The following AZI2 variants were observed in gnomAD, a reference collection of about 807,000 sequenced individuals.
The protein encoded by AZI2 is 5-azacytidine-induced protein 2.
A neutral mutation model predicts 45.8 loss-of-function variants in AZI2; 22 were observed. The ratio of observed to expected loss-of-function variants is 0.48; its 90% CI spans 0.34 to 0.69. AZI2 has a LOEUF of 0.69. AZI2 is among the 30% of genes least tolerant of loss of function. The pLI, the probability that AZI2 is intolerant of heterozygous loss-of-function variation, is 0.01. For missense variants in AZI2, 417 were observed against 441.5 expected, an observed-to-expected ratio of 0.94 and a Z score of 0.50; for synonymous variants, 137 against 156.7, an observed-to-expected ratio of 0.87 and a Z score of 0.94.
chr3:28,326,580 C>T (rs915441085), intron 7 of AZI2: 8 of 419,812 alleles, frequency 1.9e-5, no homozygotes, highest in Non-Finnish European at 2.6e-5. Flanking sequence ...ACATAAGCAA[C>T]ACTTGGCTGA....
chr3:28,336,912 G>C, intron 4 of AZI2, 27 bp from the exon 5 acceptor site: 9 of 1,606,944 alleles, frequency 5.6e-6, no homozygotes, highest in Non-Finnish European at 6.8e-6. Flanking sequence ...CACTGAAATT[G>C]TTATCTTTTC....
intron 5 of AZI2, among the ~76,000 whole-genome samples, chr3:28,335,982 C>G (rs945931613): frequency 3.9e-5 from 6 of 152,180 alleles, no homozygotes; most frequent in Middle Eastern, 6.8e-3. Context: ...TATTTAAAAT[C>G]TGCATTTGGT....
intron 1 of AZI2, among the ~76,000 whole-genome samples, chr3:28,344,657 G>A (rs750925825): frequency 5.3e-5 from 8 of 151,948 alleles, no homozygotes; most frequent in Non-Finnish European, 1.2e-4. Context: ...AGTGTAACTG[G>A]CTATTATTCT....
chr3:28,331,544 A>T, intron 6 of AZI2: 2 of 806,900 alleles, frequency 2.5e-6, no homozygotes, highest in Non-Finnish European at 3.1e-6. Context: ...CTGATCTAGA[A>T]GAGTGGCTGT....
Position 28,340,402 on chromosome 3 carries a change from CT to C in AZI2, c.215del (p.Lys72SerfsTer2). The C allele has an allele frequency of 6.4e-7, 1 of 1,554,592 alleles. No individual in the cohort carries two copies. Among genetic ancestry groups the C allele is most frequent in the South Asian group, 1.1e-5 (1 of 87,458 alleles). ...AATGAAGGTAAAAGATAAAAATTAC[CT>C]TTTCTTCCAAAAATCTTATTCTCTT... Reference protein sequence around the residue: ...LKKRIRFLEEKLIARFEEETS... With the variant: ...LKKRIRFLEEXLIARFEEETS... On this transcript the variant is annotated frameshift_variant and splice_region_variant, in exon 2 of 8. Coordinates refer to ENST00000479665, the MANE Select transcript of AZI2 (RefSeq NM_022461.5). LOFTEE classifies it high-confidence loss of function.
intron 6 of AZI2, among the ~76,000 whole-genome samples, chr3:28,329,767 G>A (rs1212116653): frequency 6.6e-6 from 1 of 151,070 alleles, no homozygotes; most frequent in Non-Finnish European, 1.5e-5. Context: ...TTTGACAACT[G>A]CGGTTCCCCC....
At chr3:28,334,402 A>G (rs192317737) in intron 5 of AZI2, among the ~76,000 whole-genome samples, 22 of 152,100 alleles carry the variant, frequency 1.4e-4, no homozygotes, top group African/African-American at 5.3e-4. Context: ...GTATGCATCA[A>G]GATTTCAACT....
Position 28,336,893 on chromosome 3 carries a change from A to T in AZI2, c.440-8T>A. The T allele has an allele frequency of 1.2e-6, 2 of 1,611,628 alleles. No individual in the cohort carries two copies. Among genetic ancestry groups the T allele is most frequent in the Non-Finnish European group, 1.7e-6 (2 of 1,178,752 alleles). ...GATTTAAATTCCTCATCACTACAAAAAGGATGGACACTGAAATTGTTATCT... is the reference window on the plus strand; with the variant it reads ...GATTTAAATTCCTCATCACTACAAATAGGATGGACACTGAAATTGTTATCT... On this transcript the variant is annotated splice_region_variant and splice_polypyrimidine_tract_variant and intron_variant, in intron 4 of 7. Coordinates refer to ENST00000479665, the MANE Select transcript of AZI2 (RefSeq NM_022461.5).
chr3:28,325,595 A>C (rs935514856), intron 7 of AZI2, among the ~76,000 whole-genome samples: 3 of 151,090 alleles, frequency 2.0e-5, no homozygotes, highest in Non-Finnish European at 4.5e-5. Context: ...AAAGCACCGA[A>C]AAATATTAAT....
chr3:28,323,946 T>A lies in AZI2; in HGVS notation c.*96A>T. 1 of 1,405,648 alleles carries A rather than the reference T, an allele frequency of 7.1e-7. No homozygotes were observed. Among genetic ancestry groups the A allele is most frequent in the Non-Finnish European group, 9.7e-7 (1 of 1,035,254 alleles). 87.1% of individuals were successfully genotyped at this position (1,405,648 alleles called of 1,614,324 possible). On this transcript the variant is annotated 3_prime_UTR_variant, in exon 8 of 8. Transcript: ENST00000479665. ...GATACTGAAGACCTCTGCAAAATTT[T>A]AATCAAAATCTCCTTTCAGTTTGTT...
In AZI2 at chr3:28,323,985, G is replaced by A; in HGVS notation, c.*57C>T. On this transcript the variant is annotated 3_prime_UTR_variant, in exon 8 of 8. Transcript: ENST00000479665. Reference sequence around the variant, plus strand: ...TTTCAGTTTGTTAAATAATTTCTTGGGAGGACCACTGAAAGAGATAAGTGT... The same window carrying A: ...TTTCAGTTTGTTAAATAATTTCTTGAGAGGACCACTGAAAGAGATAAGTGT... The A allele has an allele frequency of 6.7e-7, 1 of 1,495,358 alleles. No homozygotes were observed. The highest frequency in any genetic ancestry group is 1.3e-5 in the South Asian group (1 of 76,144). 92.6% of individuals were successfully genotyped at this position (1,495,358 alleles called of 1,614,324 possible).
intron 7 of AZI2, among the ~76,000 whole-genome samples, chr3:28,325,530 T>TG (rs1024295980): frequency 8.6e-5 from 13 of 150,858 alleles, no homozygotes; most frequent in African/African-American, 2.9e-4. Context: ...GTGTAAGGAG[T>TG]GGTGACCTTG....
chr3:28,332,475 A>G (rs1703621508), intron 5 of AZI2, 48 bp from the exon 6 acceptor site: 7 of 1,484,046 alleles, frequency 4.7e-6, no homozygotes, highest in Non-Finnish European at 3.7e-6. Flanking sequence ...AATTTTTACA[A>G]TTTATTTAGT....
rs76854105 is a variant in AZI2, at chr3:28,321,491, A to C, written c.*2551T>G. The C allele has an allele frequency of 6.6e-6, 1 of 151,400 alleles. No individual in the cohort carries two copies. Among genetic ancestry groups the C allele is most frequent in the Non-Finnish European group, 1.5e-5 (1 of 67,534 alleles). The allele number at this position is 151,400 out of a possible 1,614,324, so 9.4% of individuals were successfully genotyped here. On this transcript the variant is annotated 3_prime_UTR_variant, in exon 8 of 8. Coordinates refer to ENST00000479665, the MANE Select transcript of AZI2 (RefSeq NM_022461.5). ...GACTAAACCATTCATTGTAGCCTTCAGAATACCCATGTGTATCCATACTGA... is the reference window on the plus strand; with the variant it reads ...GACTAAACCATTCATTGTAGCCTTCCGAATACCCATGTGTATCCATACTGA...
At chr3:28,332,753 C>T (rs972670327) in intron 5 of AZI2, among the ~76,000 whole-genome samples, 1 of 151,686 alleles carries the variant, frequency 6.6e-6, no homozygotes, top group Non-Finnish European at 1.5e-5. Flanking sequence ...AAAAGTGTTA[C>T]ACATTTGTCA....
At chr3:28,334,059 C>G (rs986611944) in intron 5 of AZI2, among the ~76,000 whole-genome samples, 1 of 151,146 alleles carries the variant, frequency 6.6e-6, no homozygotes, top group African/African-American at 2.4e-5. Flanking sequence ...CACAGAAAGT[C>G]TAAAAGGCCC....
chr3:28,331,910 C>T (rs1403914643), intron 6 of AZI2: 2 of 1,548,086 alleles, frequency 1.3e-6, no homozygotes, highest in East Asian at 2.5e-5. Context: ...CATGCTATCC[C>T]ATGATTGCGC....
rs1253288498 is a variant in AZI2, at chr3:28,322,540, CAT to C, written c.*1500_*1501del. The stretch of plus-strand genomic sequence containing the variant: ...ATATAATATACAGCCTATGCAGCCA[CAT>C]GAGAAATAGTTTTTGCTGCTTTGTT... On this transcript the variant is annotated 3_prime_UTR_variant, in exon 8 of 8. Transcript: ENST00000479665. 1.3e-5 allele frequency: 2 copies of C among 151,596 alleles called. No homozygotes were observed. The highest frequency in any genetic ancestry group is 2.4e-5 in the African/African-American group (1 of 41,304). 9.4% of individuals were successfully genotyped at this position (151,596 alleles called of 1,614,324 possible). A position where few individuals can be genotyped will look rare whatever the true frequency, so the allele number is the denominator to read the frequency against.
intron 6 of AZI2, among the ~76,000 whole-genome samples, chr3:28,331,049 C>T (rs888684952): frequency 1.3e-5 from 2 of 151,254 alleles, no homozygotes; most frequent in African/African-American, 2.4e-5. Flanking sequence ...TATCTGATGC[C>T]TTCAAACAGG....
Sources: allele counts gnomAD v4.1 joint callset (sites outside exome capture counted in the v4.1 genomes callset), GRCh38; gene constraint gnomAD v4.1.1; transcripts MANE v1.5; gene names NCBI Gene and HGNC (gene_info 2026-07-23, HGNC 2026-07-21).